The following DNAH5 variants were observed in gnomAD, a reference collection of about 807,000 sequenced individuals.
DNAH5 encodes dynein axonemal heavy chain 5, also known as axonemal beta dynein heavy chain 5.
DNAH5 carries 372 observed loss-of-function variants against 518.2 expected under a neutral mutation model. That is an observed-to-expected ratio of 0.72 (90% confidence interval 0.66 to 0.78). The LOEUF is 0.78. Among genes scored for constraint, DNAH5 ranks in the 30% least tolerant of loss-of-function variants. The pLI is 0.00. For missense variants in DNAH5, 5,523 were observed against 5,687.0 expected, an observed-to-expected ratio of 0.97 and a Z score of 0.93; for synonymous variants, 2,039 against 2,025.9, an observed-to-expected ratio of 1.01 and a Z score of -0.17.
intron 1 of DNAH5, among the ~76,000 whole-genome samples, chr5:13,991,685 G>A (rs1325682308): frequency 3.9e-5 from 6 of 152,130 alleles, no homozygotes; most frequent in Non-Finnish European, 7.4e-5. Flanking sequence ...AGGGAGGCGT[G>A]AAGACAGAAC....
chr5:13,746,733 C>T (rs1208848973), intron 65 of DNAH5, among the ~76,000 whole-genome samples: 2 of 152,066 alleles, frequency 1.3e-5, no homozygotes, highest in Non-Finnish European at 2.9e-5. Flanking sequence ...GCAGGCAATA[C>T]GCTCATGACT....
At chr5:13,718,604 T>C (rs1236035472) in intron 72 of DNAH5, among the ~76,000 whole-genome samples, 2 of 151,848 alleles carry the variant, frequency 1.3e-5, no homozygotes, top group African/African-American at 2.4e-5. Context: ...AATGACAAAA[T>C]TGTTCATTTT....
chr5:13,945,219 T>C (rs150148783), upstream of DNAH5, among the ~76,000 whole-genome samples: 1,307 of 152,352 alleles, frequency 8.6e-3, 19 homozygotes, highest in African/African-American at 0.03. Flanking sequence ...GGGAAAACAC[T>C]GCCAAATGCT....
intron 1 of DNAH5, among the ~76,000 whole-genome samples, chr5:13,988,041 C>A (rs1158433893): frequency 6.6e-6 from 1 of 152,140 alleles, no homozygotes; most frequent in Non-Finnish European, 1.5e-5. Flanking sequence ...GGTGAGCTTT[C>A]ACCATCTTTG....
intron 75 of DNAH5, among the ~76,000 whole-genome samples, chr5:13,712,985 T>A (rs1948778): frequency 6.6e-6 from 1 of 151,344 alleles, no homozygotes; most frequent in Non-Finnish European, 1.5e-5. Context: ...CAGAAGAAAA[T>A]AAGTCATTCT....
intron 19 of DNAH5, 97 bp from the exon 20 acceptor site, chr5:13,883,191 T>C (rs1292881120): frequency 3.3e-6 from 4 of 1,218,540 alleles, no homozygotes; most frequent in African/African-American, 1.5e-5. Context: ...ACATAATAGG[T>C]ATAAAATCTA....
At chr5:13,805,857 T>C (rs868401143) in intron 47 of DNAH5, among the ~76,000 whole-genome samples, 8 of 152,306 alleles carry the variant, frequency 5.3e-5, no homozygotes, top group Middle Eastern at 6.8e-3. Flanking sequence ...GTCAGAGGTA[T>C]GGGTCTCTTG....
chr5:13,900,097 C>T (rs1044066240), intron 15 of DNAH5, 109 bp downstream of exon 15: 10 of 1,028,144 alleles, frequency 9.7e-6, no homozygotes, highest in Middle Eastern at 4.5e-4. Flanking sequence ...TCAGTCACTC[C>T]ATTCATCCTG....
At chr5:13,922,923 CA>C (rs371665061) in intron 4 of DNAH5, among the ~76,000 whole-genome samples, 211 of 136,996 alleles carry the variant, frequency 1.5e-3, no homozygotes, top group Middle Eastern at 0.011. Context: ...TTACTTTGCA[CA>C]AAAAAAAAAA....
chr5:14,008,472 A>G (rs1343251044), intron 1 of DNAH5, among the ~76,000 whole-genome samples: 2 of 152,098 alleles, frequency 1.3e-5, no homozygotes, highest in African/African-American at 4.8e-5. Context: ...AAAATACAAA[A>G]AAGTAGCAGG....
intron 31 of DNAH5, among the ~76,000 whole-genome samples, chr5:13,845,994 C>G (rs1395572657): frequency 2.7e-5 from 4 of 146,472 alleles, no homozygotes; most frequent in Non-Finnish European, 6.0e-5. Context: ...CCACGCCCAG[C>G]TAATATTTTT....
rs995982593 is a variant in DNAH5 at position 13,983,934 on chromosome 5, T to A, written c.12+27714A>T. Among the ~76,000 whole-genome samples the A allele has an allele frequency of 3.3e-5, 5 of 152,178 alleles. No homozygotes were observed. The East Asian group carries it at 9.6e-4, about 29-fold the overall frequency. On this transcript the variant is annotated intron_variant, in intron 1 of 78. Transcript: ENST00000681290. Reference sequence around the variant, plus strand: ...GACTACTGGCCCCCAAAGACCTCCATGACTTAATCCCCAGAACCTGTGGCA... The same window carrying A: ...GACTACTGGCCCCCAAAGACCTCCAAGACTTAATCCCCAGAACCTGTGGCA...
Position 13,830,212 on chromosome 5 carries a change from T to C in DNAH5, c.6063A>G (p.Gly2021=). The C allele has an allele frequency of 6.2e-7, 1 of 1,613,558 alleles. No individual in the cohort carries two copies. The part of the protein sequence containing the change: ...DFRGLGRIFK[G]LAQSGSWGCF... ...AACCCCAGGATCCAGACTGTGCCAG[T>C]CCTTCGAAAGGAAATTAAATGAAAA... Residue 2021 remains glycine, a splice_region_variant and synonymous_variant, in exon 37 of 79, where the codon GGA becomes GGG. Coordinates refer to ENST00000265104, the MANE Select transcript of DNAH5 (RefSeq NM_001369.3).
intron 65 of DNAH5, 49 bp downstream of exon 65, chr5:13,751,029 A>C (rs1472872395): frequency 6.4e-7 from 1 of 1,571,506 alleles, no homozygotes; most frequent in South Asian, 1.1e-5. Context: ...TGTCAATGAA[A>C]TATGACATTA....
At chr5:13,859,351 G>T in intron 30 of DNAH5, 101 bp downstream of exon 30, 3 of 1,238,446 alleles carry the variant, frequency 2.4e-6, no homozygotes, top group East Asian at 2.4e-5. Flanking sequence ...GAAGGAAGGG[G>T]GTTCAATAGA....
At chr5:13,880,925 T>C (rs1324414944) in intron 21 of DNAH5, among the ~76,000 whole-genome samples, 1 of 151,882 alleles carries the variant, frequency 6.6e-6, no homozygotes, top group Non-Finnish European at 1.5e-5. Context: ...CCCAACTGCA[T>C]GCTGCTTACA....
intron 50 of DNAH5, 104 bp from the exon 51 acceptor site, chr5:13,789,018 CA>C: frequency 1.8e-6 from 2 of 1,089,732 alleles, no homozygotes; most frequent in South Asian, 2.8e-5. Context: ...ATTTAAGATT[CA>C]ACATTTTAAA....
chr5:13,821,697 A>T (rs1762261930), intron 40 of DNAH5, among the ~76,000 whole-genome samples: 1 of 152,232 alleles, frequency 6.6e-6, no homozygotes, highest in South Asian at 2.1e-4. Context: ...ATAATCATGT[A>T]TCACTTTATG....
rs980897 is a variant in DNAH5 at position 13,809,848 on chromosome 5, G to T, written c.7609+211C>A. On this transcript the variant is annotated intron_variant, in intron 45 of 78. Coordinates refer to ENST00000265104, the MANE Select transcript of DNAH5 (RefSeq NM_001369.3). ...AATTCATTGAAAGTTTAGTGCACAA[G>T]ATATTTAACAAGAGGAAAATGTGCA... Among the ~76,000 whole-genome samples the T allele has an allele frequency of 0.38, 57,978 of 152,034 alleles. 11,319 individuals carry two copies. Among genetic ancestry groups the T allele is most frequent in the East Asian group, 0.62 (3,230 of 5,168 alleles).
Sources: gnomAD v4.1 joint callset for allele counts (sites outside exome capture counted in the v4.1 genomes callset) on GRCh38, gnomAD v4.1.1 for gene constraint, MANE v1.5 for transcripts, NCBI Gene and HGNC (gene_info 2026-07-23, HGNC 2026-07-21) for gene names.